BDH1: variants seen among roughly 807,000 people sequenced by gnomAD.
BDH1 encodes the protein D-beta-hydroxybutyrate dehydrogenase, mitochondrial.
In BDH1, 30 loss-of-function variants were observed where a neutral mutation model predicts 33.1. The observed-to-expected ratio is 0.91, with a 90% CI of 0.68 to 1.23. The LOEUF (loss-of-function observed/expected upper bound fraction) is 1.23, where lower values mean the gene tolerates loss of function less well. Among genes scored for constraint, BDH1 ranks in the 50% most tolerant of loss-of-function variants. The probability of loss-of-function intolerance (pLI) is 0.00; values close to 1 mark genes in which losing one functional copy is unlikely to be tolerated. For synonymous variants in BDH1, 190 were observed against 183.6 expected (o/e 1.03, Z -0.28); for missense variants, 443 against 464.4 (o/e 0.95, Z 0.42).
chr3:197,564,202 A>G (rs1717358372), intron 1 of BDH1, among the ~76,000 whole-genome samples: 1 of 152,076 alleles, frequency 6.6e-6, no homozygotes, highest in African/African-American at 2.4e-5. Context: ...TTGTATGGTA[A>G]ATTTAGTCCT....
chr3:197,546,335 G>A, intron 3 of BDH1, 26 bp downstream of exon 3: 12 of 1,612,728 alleles, frequency 7.4e-6, no homozygotes, highest in East Asian at 2.2e-5. Context: ...GTCCCCTCAA[G>A]GCCACCACCA....
At position 197,510,711 on chromosome 3, in the gene BDH1, GTGTGTGTACA is replaced by G. The variant is rs1711927999; in HGVS notation, c.*1174_*1183del. ...TGTGTGTGTGTGTGTGTGTGTGTGT[GTGTGTGTACA>G]TGTGTGTAAGCACCACGTGAGGCAA... is the stretch of plus-strand genomic sequence containing the variant. On this transcript the variant is annotated 3_prime_UTR_variant, in exon 8 of 8. Transcript: ENST00000392379. 4 of 117,394 alleles carry G rather than the reference GTGTGTGTACA, an allele frequency of 3.4e-5. No homozygotes were observed. The highest frequency in any genetic ancestry group is 1.1e-4 in the African/African-American group (3 of 27,042). The allele number at this position is 117,394 out of a possible 1,614,324, so 7.3% of individuals were successfully genotyped here. A position where few individuals can be genotyped will look rare whatever the true frequency, so the allele number is the denominator to read the frequency against.
intron 1 of BDH1, among the ~76,000 whole-genome samples, chr3:197,562,807 G>T (rs1016608171): frequency 6.6e-6 from 1 of 152,026 alleles, no homozygotes; most frequent in Non-Finnish European, 1.5e-5. Flanking sequence ...AGAAAACAAG[G>T]AGAATGACCC....
rs906627058 is a variant in BDH1, at chr3:197,572,749, TAAAC to T, written c.-44+428_-44+431del. On this transcript the variant is annotated intron_variant, in intron 1 of 6. Coordinates refer to the BDH1 transcript ENST00000358186. ...AAGACCCCATTTCTAAATAAATAAA[TAAAC>T]AAACAATTTTGAAAGACAAAATATG... Among the ~76,000 whole-genome samples the T allele has an allele frequency of 6.6e-4, 100 of 152,114 alleles. 1 individual carries two copies. In the East Asian group the frequency reaches 9.1e-3, roughly 14 times the overall value.
In BDH1 at chr3:197,510,624, G is replaced by C. The variant is rs1711848234; in HGVS notation, c.*1271C>G. 1 of 32,778 alleles carries C rather than the reference G, an allele frequency of 3.1e-5. No homozygotes were observed. The highest frequency in any genetic ancestry group is 2.3e-4 in the African/African-American group (1 of 4,368). The allele number at this position is 32,778 out of a possible 1,614,324, so 2.0% of individuals were successfully genotyped here. A position where few individuals can be genotyped will look rare whatever the true frequency, so the allele number is the denominator to read the frequency against. ...GGTGTGTGTGTGTGTGTGTGTGTGT[G>C]TGTGTGTGTGTGTGTGTGTGTGTGT... is the stretch of plus-strand genomic sequence containing the variant. On this transcript the variant is annotated 3_prime_UTR_variant, in exon 8 of 8. Transcript: ENST00000392379.
Position 197,512,246 on chromosome 3 carries a change from G to T in BDH1, c.681C>A (p.Tyr227Ter), listed in dbSNP as rs1712134107. 1.9e-6 allele frequency: 3 copies of T among 1,613,424 alleles called. No homozygotes were observed. Among genetic ancestry groups the T allele is most frequent in the African/African-American group, 1.3e-5 (1 of 74,926 alleles). The change falls in exon 8 of 8, where the codon TAC (tyrosine) becomes TAA (stop). Residue 227 changes from tyrosine to a stop codon, truncating the protein, a stop_gained. Transcript: ENST00000392379. LOFTEE classifies it high-confidence loss of function. ...CCACGCTGACCTTCACGCCCAGGGGGTACATCTCATAGCGCAGGCAGTCCG... is the reference window on the plus strand; with the variant it reads ...CCACGCTGACCTTCACGCCCAGGGGTTACATCTCATAGCGCAGGCAGTCCG... ...AFSDCLRYEMYPLGVKVSVVE... is the reference protein window; with the variant it reads ...AFSDCLRYEM
intron 6 of BDH1, among the ~76,000 whole-genome samples, chr3:197,517,539 T>C: frequency 4.4e-5 from 1 of 22,552 alleles, no homozygotes; most frequent in African/African-American, 1.5e-4. Flanking sequence ...TCCTGCTCTA[T>C]GGTCTCCATC....
rs1716999573 is a variant in BDH1, at chr3:197,555,953, AC to A, written c.-369del. ...ACTCCTGCGGCCTGCGGCCTCCGCCACCCGGACGCTTCTACACGCGAAGCGC... is the reference window on the plus strand; with the variant it reads ...ACTCCTGCGGCCTGCGGCCTCCGCCACCGGACGCTTCTACACGCGAAGCGC... On this transcript the variant is annotated 5_prime_UTR_variant, in exon 1 of 8. Transcript: ENST00000392379. The A allele has an allele frequency of 6.6e-6, 1 of 152,194 alleles. No individual in the cohort carries two copies. Among genetic ancestry groups the A allele is most frequent in the South Asian group, 2.1e-4 (1 of 4,828 alleles). 9.4% of individuals were successfully genotyped at this position (152,194 alleles called of 1,614,324 possible).
At chr3:197,519,041 C>T (rs1713228851) in intron 6 of BDH1, among the ~76,000 whole-genome samples, 1 of 96,154 alleles carries the variant, frequency 1.0e-5, no homozygotes, top group Non-Finnish European at 2.1e-5. Flanking sequence ...CCATCCCCCG[C>T]TCAGGCACCC....
rs556733608 is a variant in BDH1 at position 197,534,478 on chromosome 3, C to T, written c.84-917G>A. Reference sequence around the variant, plus strand: ...GACAATTTGCTTAACTATTTACCTACTGAAGGACAGCTGAGTTGTTTCCTG... The same window carrying T: ...GACAATTTGCTTAACTATTTACCTATTGAAGGACAGCTGAGTTGTTTCCTG... On this transcript the variant is annotated intron_variant, in intron 3 of 7. Coordinates refer to ENST00000392379, the MANE Select transcript of BDH1 (RefSeq NM_203314.3). 2.0e-5 allele frequency among the ~76,000 whole-genome samples: 3 copies of T among 152,310 alleles called. No individual in the cohort carries two copies. The East Asian group carries it at 5.8e-4, about 29-fold the overall frequency.
chr3:197,512,257 A>T lies in BDH1; in HGVS notation c.670T>A (p.Tyr224Asn), dbSNP rs1315245360. The T allele has an allele frequency of 6.2e-7, 1 of 1,613,218 alleles. No individual in the cohort carries two copies. The highest frequency in any genetic ancestry group is 1.3e-5 in the African/African-American group (1 of 74,916). ...TTCACGCCCAGGGGGTACATCTCAT[A>T]GCGCAGGCAGTCCGAGAAAGCCTCT... ...GVEAFSDCLRYEMYPLGVKVS... is the reference protein window; with the variant it reads ...GVEAFSDCLRNEMYPLGVKVS... Residue 224 changes from tyrosine (Y) to asparagine (N), a missense_variant, in exon 8 of 8, where the codon TAT (tyrosine) becomes AAT (asparagine). Tyr to Asn is a moderately radical substitution (Grantham distance 143). Transcript: ENST00000392379.
intron 3 of BDH1, 61 bp downstream of exon 3, chr3:197,546,300 G>T: frequency 6.5e-7 from 1 of 1,548,160 alleles, no homozygotes; most frequent in Non-Finnish European, 8.9e-7. Context: ...GTCCATGTGT[G>T]AAAACCTCTG....
At position 197,514,034 on chromosome 3, in the gene BDH1, T is replaced by A. The variant is rs530835592; in HGVS notation, c.562+230A>T. On this transcript the variant is annotated intron_variant, in intron 7 of 7. Coordinates refer to ENST00000392379, the MANE Select transcript of BDH1 (RefSeq NM_203314.3). This position sits in a 1 kb window ranked among gnomAD's most constrained non-coding sequence, Gnocchi z 4.2. Reference sequence around the variant, plus strand: ...GGATGGCTGCTCAACTCTTTAAGCTTTTGCTGCATGGACCACTGACCTCTT... The same window carrying A: ...GGATGGCTGCTCAACTCTTTAAGCTATTGCTGCATGGACCACTGACCTCTT... The A allele has an allele frequency of 3.8e-6, 2 of 519,792 alleles. No individual in the cohort carries two copies. The highest frequency in any genetic ancestry group is 3.9e-5 in the African/African-American group (2 of 51,806). The allele number at this position is 519,792 out of a possible 1,614,324, so 32.2% of individuals were successfully genotyped here. A position where few individuals can be genotyped will look rare whatever the true frequency, so the allele number is the denominator to read the frequency against.
rs1408888699 is a variant in BDH1, at chr3:197,526,233, C to A, written c.268-3452G>T. On this transcript the variant is annotated intron_variant, in intron 5 of 7. Coordinates refer to ENST00000392379, the MANE Select transcript of BDH1 (RefSeq NM_203314.3). This position sits in a 1 kb window ranked among gnomAD's most constrained non-coding sequence, Gnocchi z 4.7. Reference sequence around the variant, plus strand: ...GAACCCAAACTCCCAAACTTGTATGCGAGGTAAAGCTTTCCCCTGCCCAGC... The same window carrying A: ...GAACCCAAACTCCCAAACTTGTATGAGAGGTAAAGCTTTCCCCTGCCCAGC... Among the ~76,000 whole-genome samples the A allele has an allele frequency of 6.6e-6, 1 of 152,188 alleles. No homozygotes were observed. The highest frequency in any genetic ancestry group is 1.5e-5 in the Non-Finnish European group (1 of 68,022).
rs141146905 is a variant in BDH1 at position 197,533,515 on chromosome 3, G to A, written c.130C>T (p.Arg44Trp). 31 of 1,614,140 alleles carry A rather than the reference G, an allele frequency of 1.9e-5. No homozygotes were observed. In the East Asian group the frequency reaches 3.8e-4, roughly 20 times the overall value. Residue 44 changes from arginine to tryptophan, a missense_variant, in exon 4 of 8, where the codon CGG (arginine) becomes TGG (tryptophan). Coordinates refer to ENST00000392379, the MANE Select transcript of BDH1 (RefSeq NM_203314.3). ...GGCTCCGCCGCACTGGCATAAGTCC[G>A]ACGGCCAATCGGGATAAAGGAAGTA... Reference protein sequence around the residue: ...GSTSFIPIGRRTYASAAEPVG... With the variant: ...GSTSFIPIGRWTYASAAEPVG...
chr3:197,569,095 C>T (rs1208292395), intron 1 of BDH1, among the ~76,000 whole-genome samples: 1 of 152,228 alleles, frequency 6.6e-6, no homozygotes, highest in Non-Finnish European at 1.5e-5. Flanking sequence ...TTTCCCACAA[C>T]AATACAACCA....
intron 1 of BDH1, among the ~76,000 whole-genome samples, chr3:197,565,030 C>A (rs1014564260): frequency 6.6e-6 from 1 of 152,210 alleles, no homozygotes; most frequent in Non-Finnish European, 1.5e-5. Flanking sequence ...TCAAGCGATT[C>A]TCCTGCCTCA....
In BDH1 at chr3:197,522,333, T is replaced by C. The variant is rs1205699705; in HGVS notation, c.409+307A>G. Among the ~76,000 whole-genome samples, 2 of 152,178 alleles carry C rather than the reference T, an allele frequency of 1.3e-5. No individual in the cohort carries two copies. Among genetic ancestry groups the C allele is most frequent in the Non-Finnish European group, 2.9e-5 (2 of 68,038 alleles). On this transcript the variant is annotated intron_variant, in intron 6 of 7. Transcript: ENST00000392379. The surrounding 1 kb of genome is among the most constrained non-coding windows in gnomAD (Gnocchi z 4.8). Reference sequence around the variant, plus strand: ...TGTGCCTTGACCATCTTTGTGTCCCTGGCACCCAACCCAGCTCCTGGGCCA... The same window carrying C: ...TGTGCCTTGACCATCTTTGTGTCCCCGGCACCCAACCCAGCTCCTGGGCCA...
chr3:197,556,593 AGGAG>A, upstream of BDH1, among the ~76,000 whole-genome samples: 1 of 152,294 alleles, frequency 6.6e-6, no homozygotes, highest in East Asian at 1.9e-4. Context: ...GCTTGAACCC[AGGAG>A]GCGGAGGTTC....
Sources: gnomAD v4.1 joint callset for allele counts (sites outside exome capture counted in the v4.1 genomes callset) on GRCh38, gnomAD v4.1.1 for gene constraint, Gnocchi (gnomAD v3.1) non-coding constraint, MANE v1.5 for transcripts, NCBI Gene and HGNC (gene_info 2026-07-23, HGNC 2026-07-21) for gene names.